ALK: variants seen among roughly 807,000 people sequenced by gnomAD.
ALK encodes ALK tyrosine kinase receptor.
ALK carries 74 observed loss-of-function variants against 163.1 expected under a neutral mutation model. The ratio of observed to expected loss-of-function variants is 0.45; its 90% CI spans 0.38 to 0.55. The LOEUF (loss-of-function observed/expected upper bound fraction) is 0.55, where lower values mean the gene tolerates loss of function less well. Ranked by LOEUF, ALK falls within the 20% of genes least tolerant of loss-of-function variation. The pLI, the probability that ALK is intolerant of heterozygous loss-of-function variation, is 0.00. For synonymous variants in ALK, 960 were observed against 843.2 expected, an observed-to-expected ratio of 1.14 and a Z score of -2.40; for missense variants, 2,063 against 2,105.3, an observed-to-expected ratio of 0.98 and a Z score of 0.39.
At chr2:29,870,630 T>G (rs570851713) in intron 1 of ALK, among the ~76,000 whole-genome samples, 11 of 152,280 alleles carry the variant, frequency 7.2e-5, no homozygotes, top group African/African-American at 2.2e-4. Flanking sequence ...AAATCATGCT[T>G]ACAAAGACTT....
chr2:29,480,947 C>T (rs1166440929), intron 4 of ALK, among the ~76,000 whole-genome samples: 3 of 152,096 alleles, frequency 2.0e-5, no homozygotes, highest in African/African-American at 7.2e-5. Flanking sequence ...CAGGCAATGC[C>T]GAGGTTGCTG....
At chr2:29,302,703 A>G (rs1666404553) in intron 8 of ALK, among the ~76,000 whole-genome samples, 1 of 152,176 alleles carries the variant, frequency 6.6e-6, no homozygotes. Context: ...GCAGTCAGTG[A>G]ATGGCTAGCA....
At position 29,840,942 on chromosome 2, in the gene ALK, T is replaced by G. The variant is rs534825342; in HGVS notation, c.667+79051A>C. Reference sequence around the variant, plus strand: ...ATCTAAGTCTTTTAGATACGGCTACTGTTATCTTTTCACCCTCACTATACT... The same window carrying G: ...ATCTAAGTCTTTTAGATACGGCTACGGTTATCTTTTCACCCTCACTATACT... On this transcript the variant is annotated intron_variant, in intron 1 of 28. Coordinates refer to ENST00000389048, the MANE Select transcript of ALK (RefSeq NM_004304.5). Among the ~76,000 whole-genome samples, 10 of 152,326 alleles carry G rather than the reference T, an allele frequency of 6.6e-5. No individual in the cohort carries two copies. In the South Asian group the frequency reaches 2.1e-3, roughly 32 times the overall value.
chr2:29,289,665 G>C, intron 9 of ALK, among the ~76,000 whole-genome samples: 1 of 152,188 alleles, frequency 6.6e-6, no homozygotes, highest in East Asian at 1.9e-4. Context: ...AGGCAGGTGA[G>C]ACATTCCTCT....
At position 29,232,571 on chromosome 2, in the gene ALK, A is replaced by C; in HGVS notation, c.2488-123T>G. On this transcript the variant is annotated intron_variant, in intron 14 of 28. Coordinates refer to ENST00000389048, the MANE Select transcript of ALK (RefSeq NM_004304.5). ...TTTTGGGGTGACCTGGTGACCTCTC[A>C]GTGGTCTGAGGTGGTTTGCGGGCTC... is the stretch of plus-strand genomic sequence containing the variant. 3 of 1,352,108 alleles carry C rather than the reference A, an allele frequency of 2.2e-6. No individual in the cohort carries two copies. In the Middle Eastern group the frequency reaches 5.4e-4, roughly 241 times the overall value. The allele number at this position is 1,352,108 out of a possible 1,614,324, so 83.8% of individuals were successfully genotyped here.
At chr2:29,838,543 T>C (rs887408680) in intron 1 of ALK, among the ~76,000 whole-genome samples, 13 of 152,082 alleles carry the variant, frequency 8.5e-5, no homozygotes, top group Non-Finnish European at 1.5e-5. Context: ...AACAGGAGAA[T>C]GCACAAACTA....
chr2:29,800,247 G>A (rs1664434536), intron 1 of ALK, among the ~76,000 whole-genome samples: 1 of 152,186 alleles, frequency 6.6e-6, no homozygotes, highest in South Asian at 2.1e-4. Flanking sequence ...TAACTTCTCA[G>A]AGGACTTCAG....
intron 1 of ALK, among the ~76,000 whole-genome samples, chr2:29,753,376 G>T (rs111236945): frequency 3.4e-4 from 52 of 152,300 alleles, no homozygotes; most frequent in Admixed American, 1.9e-3. Flanking sequence ...TAAGTTACGG[G>T]GGGGAGCACG....
rs879944692 is a variant in ALK, at chr2:29,416,201, G to GT, written c.1155-32343_1155-32342insA. Among the ~76,000 whole-genome samples the GT allele has an allele frequency of 4.1e-3, 619 of 152,330 alleles. 1 individual carries two copies. The highest frequency in any genetic ancestry group is 0.014 in the African/African-American group (564 of 41,574). On this transcript the variant is annotated intron_variant, in intron 4 of 28. Transcript: ENST00000389048. ...GTGAATACAAGGACACAGGCCCGAA[G>GT]GCTACATGTCAGGAGTGGCTGGAGG...
chr2:29,252,077 G>C (rs1664828670), intron 11 of ALK, among the ~76,000 whole-genome samples: 1 of 152,100 alleles, frequency 6.6e-6, no homozygotes, highest in African/African-American at 2.4e-5. Context: ...CCTTTTCCCA[G>C]CTCCCCCTCA....
At chr2:29,738,381 A>G (rs1286423873) in intron 1 of ALK, among the ~76,000 whole-genome samples, 2 of 152,060 alleles carry the variant, frequency 1.3e-5, no homozygotes, top group Non-Finnish European at 2.9e-5. Context: ...ATTACTTTTT[A>G]TCATAAAATA....
intron 1 of ALK, among the ~76,000 whole-genome samples, chr2:29,840,134 C>T (rs1305878953): frequency 1.3e-5 from 2 of 152,162 alleles, no homozygotes; most frequent in African/African-American, 4.8e-5. Flanking sequence ...CTCATATATC[C>T]TAAAACAAAC....
At chr2:29,746,701 G>C (rs1229120867) in intron 1 of ALK, among the ~76,000 whole-genome samples, 1 of 152,174 alleles carries the variant, frequency 6.6e-6, no homozygotes, top group Non-Finnish European at 1.5e-5. Context: ...TAGGTCCTTA[G>C]TCCAGTTTGG....
At chr2:29,222,792 C>T (rs562229903) in intron 20 of ALK, among the ~76,000 whole-genome samples, 185 bp from the exon 21 acceptor site, 3 of 152,282 alleles carry the variant, frequency 2.0e-5, no homozygotes, top group African/African-American at 7.2e-5. Context: ...AGTTCTTCAC[C>T]TGAAAACTGG....
intron 11 of ALK, among the ~76,000 whole-genome samples, chr2:29,256,609 G>GTT (rs542242958): frequency 0.011 from 1,600 of 145,102 alleles, 21 homozygotes; most frequent in African/African-American, 0.036. Flanking sequence ...ACTTTTGAGT[G>GTT]TTTTTTTTTT....
chr2:29,292,191 G>A (rs1218144139), intron 9 of ALK, among the ~76,000 whole-genome samples: 1 of 152,356 alleles, frequency 6.6e-6, no homozygotes, highest in East Asian at 1.9e-4. Flanking sequence ...GAGGAATGGA[G>A]CCTGCACAGG....
At chr2:29,377,909 C>T (rs1240974779) in intron 5 of ALK, among the ~76,000 whole-genome samples, 1 of 152,148 alleles carries the variant, frequency 6.6e-6, no homozygotes, top group Non-Finnish European at 1.5e-5. Context: ...GAATCAGAAG[C>T]AATGTGTATG....
At chr2:29,204,230 A>G (rs186949369) in intron 26 of ALK, among the ~76,000 whole-genome samples, 1 of 152,292 alleles carries the variant, frequency 6.6e-6, no homozygotes. Context: ...CAATTAATGA[A>G]CCACAGTTAA....
chr2:29,485,583 C>T lies in ALK; in HGVS notation c.1154+46332G>A, dbSNP rs116236202. ...TATTAATCTGAAGAGGATTCATATG[C>T]GAATGATTGGTTTTTGGCTTTCTTT... On this transcript the variant is annotated intron_variant, in intron 4 of 28. Transcript: ENST00000389048. Among the ~76,000 whole-genome samples, 190 of 152,256 alleles carry T rather than the reference C, an allele frequency of 1.2e-3. 1 individual carries two copies. The highest frequency in any genetic ancestry group is 3.2e-3 in the African/African-American group (135 of 41,560).
Sources: allele counts gnomAD v4.1 joint callset (sites outside exome capture counted in the v4.1 genomes callset), GRCh38; gene constraint gnomAD v4.1.1; transcripts MANE v1.5; gene names NCBI Gene and HGNC (gene_info 2026-07-23, HGNC 2026-07-21).